The following SYN3 variants were observed in gnomAD, a reference collection of about 807,000 sequenced individuals.
The protein encoded by SYN3 is synapsin III.
Under a neutral mutation model 65.8 loss-of-function variants are expected in SYN3, and 35 were observed. The ratio of observed to expected loss-of-function variants is 0.53; its 90% confidence interval spans 0.41 to 0.70. The LOEUF (loss-of-function observed/expected upper bound fraction) is 0.70. SYN3 is among the 30% of genes least tolerant of loss of function. The pLI is 0.00. For synonymous variants in SYN3, 270 were observed against 292.9 expected, an observed-to-expected ratio of 0.92 and a Z score of 0.80; for missense variants, 680 against 749.0, an observed-to-expected ratio of 0.91 and a Z score of 1.08.
intron 6 of SYN3, among the ~76,000 whole-genome samples, chr22:32,750,794 A>C (rs995756741): frequency 6.6e-6 from 1 of 152,060 alleles, no homozygotes; most frequent in African/African-American, 2.4e-5. Context: ...TGGTGAGAGA[A>C]GGGGCAAGCA....
intron 4 of SYN3, among the ~76,000 whole-genome samples, chr22:32,927,163 C>T (rs1601711180): frequency 6.6e-6 from 1 of 152,200 alleles, no homozygotes; most frequent in East Asian, 1.9e-4. Flanking sequence ...GATATCAGAT[C>T]AGACCTGCTG....
At chr22:32,776,263 C>T (rs542725717) in intron 6 of SYN3, among the ~76,000 whole-genome samples, 4 of 152,216 alleles carry the variant, frequency 2.6e-5, no homozygotes, top group African/African-American at 9.6e-5. Flanking sequence ...GGACTTCTGG[C>T]CTCCAGAAAT....
intron 6 of SYN3, chr22:32,859,269 C>G: frequency 6.2e-7 from 1 of 1,614,218 alleles, no homozygotes; most frequent in Non-Finnish European, 8.5e-7. Flanking sequence ...GTTACCCTGG[C>G]TACCAGTCCA....
At chr22:32,762,564 G>A (rs889104830) in intron 6 of SYN3, among the ~76,000 whole-genome samples, 8 of 152,338 alleles carry the variant, frequency 5.3e-5, no homozygotes, top group African/African-American at 1.4e-4. Context: ...TTTCAGCTTT[G>A]GTGTATTAAG....
rs193063365 is a variant in SYN3, at chr22:32,990,162, T to C, written c.312-9460A>G. On this transcript the variant is annotated intron_variant, in intron 2 of 13. Coordinates refer to ENST00000358763, the MANE Select transcript of SYN3 (RefSeq NM_003490.4). ...GAGGATAAGGGGATCACGGGGATAT[T>C]GTGTGTCTTGTTTGGCAAGGGAAAG... is the stretch of plus-strand genomic sequence containing the variant. 3.6e-3 allele frequency among the ~76,000 whole-genome samples: 552 copies of C among 152,310 alleles called. 3 individuals carry two copies. Among genetic ancestry groups the C allele is most frequent in the African/African-American group, 0.013 (527 of 41,570 alleles).
At chr22:32,707,616 C>T (rs2060897480) in intron 6 of SYN3, among the ~76,000 whole-genome samples, 1 of 152,204 alleles carries the variant, frequency 6.6e-6, no homozygotes, top group African/African-American at 2.4e-5. Context: ...GAATAATCCA[C>T]CTCTTGAGGC....
In SYN3 at chr22:32,711,063, G is replaced by T. The variant is rs140549817; in HGVS notation, c.712-114327C>A. Among the ~76,000 whole-genome samples, 956 of 152,274 alleles carry T rather than the reference G, an allele frequency of 6.3e-3. 8 individuals carry two copies. The highest frequency in any genetic ancestry group is 0.022 in the African/African-American group (894 of 41,550). On this transcript the variant is annotated intron_variant, in intron 6 of 13. Coordinates refer to ENST00000358763, the MANE Select transcript of SYN3 (RefSeq NM_003490.4). Reference sequence around the variant, plus strand: ...GGGAGCTGTCCTACCCACAGCTGTAGAGTGACTAATTGTCCCTGTTTGCCC... The same window carrying T: ...GGGAGCTGTCCTACCCACAGCTGTATAGTGACTAATTGTCCCTGTTTGCCC...
intron 3 of SYN3, among the ~76,000 whole-genome samples, chr22:32,979,476 T>A (rs1438114689): frequency 6.6e-6 from 1 of 152,232 alleles, no homozygotes; most frequent in Non-Finnish European, 1.5e-5. Flanking sequence ...TTAGTTTGCT[T>A]AGAAGACCTT....
chr22:32,821,394 G>A (rs1234024264), intron 6 of SYN3, among the ~76,000 whole-genome samples: 3 of 152,210 alleles, frequency 2.0e-5, no homozygotes, highest in African/African-American at 7.2e-5. Context: ...TAACCGCTAA[G>A]GTGTCATCAG....
At chr22:32,786,521 C>T (rs931804607) in intron 6 of SYN3, among the ~76,000 whole-genome samples, 53 of 152,040 alleles carry the variant, frequency 3.5e-4, no homozygotes, top group Non-Finnish European at 1.2e-4. Context: ...CGCCACCACG[C>T]CCGGCAAATT....
intron 6 of SYN3, among the ~76,000 whole-genome samples, chr22:32,640,856 G>A (rs149105233): frequency 6.6e-6 from 1 of 152,148 alleles, no homozygotes; most frequent in African/African-American, 2.4e-5. Flanking sequence ...GACAGAGCAA[G>A]ACTCTGTCTC....
rs1287647940 is a variant in SYN3 at position 32,512,575 on chromosome 22, C to T, written c.*1117G>A. The T allele has an allele frequency of 1.3e-5, 2 of 152,222 alleles. No individual in the cohort carries two copies. Among genetic ancestry groups the T allele is most frequent in the Non-Finnish European group, 2.9e-5 (2 of 68,040 alleles). The allele number at this position is 152,222 out of a possible 1,614,324, so 9.4% of individuals were successfully genotyped here. Reference sequence around the variant, plus strand: ...AGTTTGGATTTAACAAAGCTGATTTCTTTCCTGCAGGAATTCCGAAAGCCT... The same window carrying T: ...AGTTTGGATTTAACAAAGCTGATTTTTTTCCTGCAGGAATTCCGAAAGCCT... On this transcript the variant is annotated 3_prime_UTR_variant, in exon 14 of 14. Transcript: ENST00000358763.
chr22:32,702,955 C>T (rs1380856559), intron 6 of SYN3, among the ~76,000 whole-genome samples: 2 of 152,154 alleles, frequency 1.3e-5, no homozygotes, highest in African/African-American at 2.4e-5. Flanking sequence ...AATTGGATTT[C>T]GTTGTGCTAA....
chr22:32,790,438 A>AT (rs370081274), intron 6 of SYN3, among the ~76,000 whole-genome samples: 2 of 145,136 alleles, frequency 1.4e-5, no homozygotes, highest in African/African-American at 5.1e-5. Context: ...TTATTTATTT[A>AT]TTATTGAGAC....
At chr22:33,037,317 T>G (rs2053880326) in intron 1 of SYN3, among the ~76,000 whole-genome samples, 1 of 152,164 alleles carries the variant, frequency 6.6e-6, no homozygotes, top group South Asian at 2.1e-4. Flanking sequence ...GGCTCCAAAG[T>G]CTGAGCTCCT....
chr22:33,017,161 C>G (rs1374130460), intron 1 of SYN3, among the ~76,000 whole-genome samples: 1 of 152,216 alleles, frequency 6.6e-6, no homozygotes, highest in African/African-American at 2.4e-5. Flanking sequence ...TATGAAGAGA[C>G]TGTCTTGTCT....
chr22:32,995,024 C>T (rs2052837703), intron 2 of SYN3, among the ~76,000 whole-genome samples: 1 of 152,130 alleles, frequency 6.6e-6, no homozygotes, highest in South Asian at 2.1e-4. Context: ...TGGATTTGCC[C>T]AAGGTCACAT....
intron 1 of SYN3, among the ~76,000 whole-genome samples, chr22:33,024,280 GC>G (rs2053605087): frequency 6.6e-6 from 1 of 152,120 alleles, no homozygotes; most frequent in South Asian, 2.1e-4. Flanking sequence ...CAGACCTATG[GC>G]TTTTTTAATG....
Position 33,019,583 on chromosome 22 carries a change from T to C in SYN3, c.-162-12759A>G, listed in dbSNP as rs932398976. Among the ~76,000 whole-genome samples the C allele has an allele frequency of 3.3e-5, 5 of 152,352 alleles. No homozygotes were observed. In the South Asian group the frequency reaches 8.3e-4, roughly 25 times the overall value. ...ATGTGACACAGTGCAAGGCCTGACA[T>C]GTCAGGCACTACATGTACTAGCTCC... is the stretch of plus-strand genomic sequence containing the variant. On this transcript the variant is annotated intron_variant, in intron 1 of 13. Coordinates refer to ENST00000358763, the MANE Select transcript of SYN3 (RefSeq NM_003490.4).
Sources: gnomAD v4.1 joint callset for allele counts (sites outside exome capture counted in the v4.1 genomes callset) on GRCh38, gnomAD v4.1.1 for gene constraint, MANE v1.5 for transcripts, NCBI Gene and HGNC (gene_info 2026-07-23, HGNC 2026-07-21) for gene names.